The following RMND1 variants were observed in gnomAD, a reference collection of about 807,000 sequenced individuals.
RMND1 encodes the protein required for meiotic nuclear division 1 homolog, also known as required for meiotic nuclear division protein 1 homolog.
RMND1 carries 41 observed loss-of-function variants against 54.0 expected under a neutral mutation model. The ratio of observed to expected loss-of-function variants is 0.76; its 90% CI spans 0.59 to 0.98. The LOEUF is 0.98. Ranked by LOEUF, RMND1 falls within the 50% of genes least tolerant of loss-of-function variation. The probability of loss-of-function intolerance (pLI) is 0.00; values close to 1 mark genes in which losing one functional copy is unlikely to be tolerated. For missense variants in RMND1, 457 were observed against 532.0 expected, an observed-to-expected ratio of 0.86 and a Z score of 1.39; for synonymous variants, 183 against 181.7, an observed-to-expected ratio of 1.01 and a Z score of -0.06.
intron 9 of RMND1, among the ~76,000 whole-genome samples, chr6:151,419,695 C>T (rs1582949293): frequency 7.2e-6 from 1 of 138,946 alleles, no homozygotes; most frequent in East Asian, 2.1e-4. Flanking sequence ...AAAAAAGTAA[C>T]ACATACATAC....
chr6:151,436,690 C>A, intron 2 of RMND1, 136 bp from the exon 3 acceptor site: 1 of 703,284 alleles, frequency 1.4e-6, no homozygotes, highest in Non-Finnish European at 2.2e-6. Context: ...AAGGGTGATA[C>A]AAGGGATGGG....
At chr6:151,450,178 G>A (rs1203477076) in intron 1 of RMND1, among the ~76,000 whole-genome samples, 1 of 148,900 alleles carries the variant, frequency 6.7e-6, no homozygotes, top group Non-Finnish European at 1.5e-5. Flanking sequence ...ACCTCTTCCC[G>A]GCCGCCATCC....
chr6:151,405,676 GA>G, intron 11 of RMND1, 43 bp downstream of exon 11: 1 of 974,512 alleles, frequency 1.0e-6, no homozygotes. Flanking sequence ...CTGTATTTGT[GA>G]AAAGATGGTA....
At chr6:151,410,344 C>T (rs12525623) in intron 10 of RMND1, among the ~76,000 whole-genome samples, 33,847 of 152,018 alleles carry the variant, frequency 0.22, 3,950 homozygotes, top group Admixed American at 0.28. Flanking sequence ...CATGAGCCAC[C>T]GCACCCGGCC....
At chr6:151,443,831 A>G (rs561038768) in intron 2 of RMND1, among the ~76,000 whole-genome samples, 1 of 152,378 alleles carries the variant, frequency 6.6e-6, no homozygotes, top group South Asian at 2.1e-4. Flanking sequence ...AATAAACAAC[A>G]AACACTAAAT....
At chr6:151,439,278 G>C (rs1780703007) in intron 2 of RMND1, among the ~76,000 whole-genome samples, 1 of 152,186 alleles carries the variant, frequency 6.6e-6, no homozygotes, top group African/African-American at 2.4e-5. Context: ...CATTTATCAA[G>C]TTTTATACAT....
intron 2 of RMND1, among the ~76,000 whole-genome samples, chr6:151,443,474 G>A (rs902547184): frequency 1.3e-5 from 2 of 152,026 alleles, no homozygotes; most frequent in Admixed American, 1.3e-4. Flanking sequence ...ACTACGCCTG[G>A]CTAATTTTTG....
rs1780167322 is a variant in RMND1 at position 151,422,123 on chromosome 6, A to T, written c.1002+418T>A. ...TTTGTAATAATGTTGTTGTACTCCT[A>T]AACAATCGGCCCTCTATAAGTTCTG... On this transcript the variant is annotated intron_variant, in intron 8 of 11. Transcript: ENST00000444024. Among the ~76,000 whole-genome samples the T allele has an allele frequency of 2.0e-5, 3 of 152,192 alleles. No homozygotes were observed. In the South Asian group the frequency reaches 6.2e-4, roughly 31 times the overall value.
intron 10 of RMND1, among the ~76,000 whole-genome samples, chr6:151,408,313 G>A (rs1206127622): frequency 7.9e-5 from 12 of 152,150 alleles, no homozygotes; most frequent in East Asian, 3.9e-4. Context: ...CCAACATAGC[G>A]AAACCCCGTC....
intron 2 of RMND1, chr6:151,444,554 G>A (rs746421257): frequency 2.6e-5 from 4 of 152,172 alleles, no homozygotes; most frequent in Non-Finnish European, 5.9e-5. Flanking sequence ...AAGACTTGAA[G>A]ACAGACATTC....
chr6:151,444,802 T>C (rs1258451535), intron 2 of RMND1, among the ~76,000 whole-genome samples: 1 of 151,978 alleles, frequency 6.6e-6, no homozygotes. Context: ...GAATAAAAAA[T>C]ACCCCCTTAA....
At chr6:151,417,859 AG>A (rs1399603726) in intron 9 of RMND1, among the ~76,000 whole-genome samples, 1 of 149,980 alleles carries the variant, frequency 6.7e-6, no homozygotes, top group Non-Finnish European at 1.5e-5. Flanking sequence ...CCCAGGCTGG[AG>A]TACAATGGCA....
At chr6:151,439,909 C>T (rs1216968286) in intron 2 of RMND1, among the ~76,000 whole-genome samples, 1 of 152,114 alleles carries the variant, frequency 6.6e-6, no homozygotes, top group Non-Finnish European at 1.5e-5. Context: ...ATCCTCCCGC[C>T]TCGGCCTCCC....
intron 2 of RMND1, among the ~76,000 whole-genome samples, chr6:151,437,528 A>C (rs1780647424): frequency 6.6e-6 from 1 of 152,214 alleles, no homozygotes; most frequent in South Asian, 2.1e-4. Flanking sequence ...GTTGTTGTAA[A>C]GTTTAAATAA....
rs1001363519 is a variant in RMND1, at chr6:151,423,746, G to A, written c.831-115C>T. 5.2e-5 allele frequency: 38 copies of A among 729,108 alleles called. No individual in the cohort carries two copies. The East Asian group carries it at 9.3e-4, about 18-fold the overall frequency. 45.2% of individuals were successfully genotyped at this position (729,108 alleles called of 1,614,324 possible). On this transcript the variant is annotated intron_variant, in intron 6 of 11. Transcript: ENST00000444024. Reference sequence around the variant, plus strand: ...GTCATTTTGACAATTTGTATCAAGAGTGTTACAAATGTTCTCATATCCTTT... The same window carrying A: ...GTCATTTTGACAATTTGTATCAAGAATGTTACAAATGTTCTCATATCCTTT...
At chr6:151,433,504 T>C (rs1780502746) in intron 3 of RMND1, among the ~76,000 whole-genome samples, 1 of 152,190 alleles carries the variant, frequency 6.6e-6, no homozygotes, top group Admixed American at 6.5e-5. Flanking sequence ...CCCATTTTGA[T>C]TCAATAATCA....
chr6:151,424,930 A>G (rs534889433), intron 6 of RMND1, among the ~76,000 whole-genome samples: 11 of 152,268 alleles, frequency 7.2e-5, no homozygotes, highest in Admixed American at 5.9e-4. Flanking sequence ...AAGGAAAGCA[A>G]AGACAGCAGT....
intron 10 of RMND1, chr6:151,416,991 A>T (rs1780025490): frequency 8.1e-6 from 2 of 246,504 alleles, no homozygotes; most frequent in Admixed American, 5.0e-5. Flanking sequence ...ACCATGACAG[A>T]TCAGAAGCAG....
chr6:151,405,465 A>G (rs1462068004), intron 11 of RMND1, among the ~76,000 whole-genome samples, 198 bp from the exon 12 acceptor site: 1 of 152,168 alleles, frequency 6.6e-6, no homozygotes, highest in Non-Finnish European at 1.5e-5. Flanking sequence ...TACAGCTAGA[A>G]CTTTTTCCAA....
Sources: gnomAD v4.1 joint callset for allele counts (sites outside exome capture counted in the v4.1 genomes callset) on GRCh38, gnomAD v4.1.1 for gene constraint, MANE v1.5 for transcripts, NCBI Gene and HGNC (gene_info 2026-07-23, HGNC 2026-07-21) for gene names.